Variants in DHRS7B observed in about 807,000 individuals in gnomAD.
DHRS7B encodes peroxisomal reductase activating PPAR-gamma.
DHRS7B carries 24 observed loss-of-function variants against 26.4 expected under a neutral mutation model. The ratio of observed to expected loss-of-function variants is 0.91; its 90% confidence interval spans 0.66 to 1.28. The LOEUF is 1.28. Among genes scored for constraint, DHRS7B ranks in the 50% most tolerant of loss-of-function variants. DHRS7B has a pLI of 0.00. For missense variants in DHRS7B, 368 were observed against 419.4 expected, an observed-to-expected ratio of 0.88 and a Z score of 1.07; for synonymous variants, 142 against 166.4, an observed-to-expected ratio of 0.85 and a Z score of 1.13.
intron 1 of DHRS7B, among the ~76,000 whole-genome samples, chr17:21,135,728 GA>G (rs1427901311): frequency 6.6e-6 from 1 of 152,146 alleles, no homozygotes; most frequent in Non-Finnish European, 1.5e-5. Flanking sequence ...AATGCTTCAA[GA>G]AAACCTAACT....
At chr17:21,173,222 CAT>C (rs886137748) in intron 2 of DHRS7B, among the ~76,000 whole-genome samples, 21 of 152,380 alleles carry the variant, frequency 1.4e-4, no homozygotes, top group Admixed American at 1.2e-3. Flanking sequence ...ATTGCAGTAA[CAT>C]ATGCTCTCAA....
At chr17:21,128,153 C>G (rs1973141249) in intron 1 of DHRS7B, 4 of 152,224 alleles carry the variant, frequency 2.6e-5, no homozygotes, top group Admixed American at 2.6e-4. Context: ...AGGTAGCACA[C>G]GCCTGTAGTC....
intron 5 of DHRS7B, among the ~76,000 whole-genome samples, chr17:21,186,673 T>C (rs1974641814): frequency 6.6e-6 from 1 of 152,240 alleles, no homozygotes; most frequent in Admixed American, 6.5e-5. Flanking sequence ...TTTACAATTC[T>C]GAATTGGAGG....
chr17:21,177,764 C>A (rs910916240), intron 2 of DHRS7B, among the ~76,000 whole-genome samples: 16 of 152,216 alleles, frequency 1.1e-4, no homozygotes, highest in African/African-American at 3.9e-4. Flanking sequence ...GCCTCGGTCC[C>A]CTGCCCCAGC....
At chr17:21,151,312 T>C (rs779454338) in intron 1 of DHRS7B, among the ~76,000 whole-genome samples, 1 of 152,004 alleles carries the variant, frequency 6.6e-6, no homozygotes, top group Non-Finnish European at 1.5e-5. Context: ...AAGACCAGCC[T>C]GGCCAAGATG....
intron 1 of DHRS7B, among the ~76,000 whole-genome samples, chr17:21,159,534 C>T (rs1365270708): frequency 2.6e-5 from 4 of 151,674 alleles, no homozygotes; most frequent in African/African-American, 4.8e-5. Flanking sequence ...GGATTACAGG[C>T]GTGAGCCACC....
At chr17:21,157,989 G>T (rs1438000403) in intron 1 of DHRS7B, among the ~76,000 whole-genome samples, 1 of 151,616 alleles carries the variant, frequency 6.6e-6, no homozygotes, top group East Asian at 1.9e-4. Flanking sequence ...AAACTAAAGA[G>T]GAAAAAAAGT....
chr17:21,140,448 T>G (rs2143914327), intron 1 of DHRS7B, among the ~76,000 whole-genome samples: 1 of 143,472 alleles, frequency 7.0e-6, no homozygotes, highest in African/African-American at 2.6e-5. Flanking sequence ...AGAAAAAGTT[T>G]GGGTTATAGA....
intron 3 of DHRS7B, among the ~76,000 whole-genome samples, chr17:21,183,197 AATC>A (rs1342369820): frequency 6.6e-6 from 1 of 152,046 alleles, no homozygotes; most frequent in Non-Finnish European, 1.5e-5. Context: ...ATTCTTTTAT[AATC>A]ATTTTTATAA....
Position 21,183,811 on chromosome 17 carries a change from G to T in DHRS7B, c.526+1G>T, listed in dbSNP as rs748338958. On this transcript the variant is annotated splice_donor_variant, in intron 4 of 6. Coordinates refer to ENST00000395511, the MANE Select transcript of DHRS7B (RefSeq NM_015510.5). LOFTEE classifies it high-confidence loss of function. The stretch of plus-strand genomic sequence containing the variant: ...TTTGGCCCAGTTGCTCTAACGAAAG[G>T]TAACAGTCTTGAGAAAAGAGCAGTG... 6.2e-6 allele frequency: 10 copies of T among 1,613,340 alleles called. No individual in the cohort carries two copies. Among genetic ancestry groups the T allele is most frequent in the Non-Finnish European group, 8.5e-6 (10 of 1,179,366 alleles).
At chr17:21,164,536 A>G (rs1194424095) in intron 1 of DHRS7B, among the ~76,000 whole-genome samples, 1 of 152,216 alleles carries the variant, frequency 6.6e-6, no homozygotes, top group Non-Finnish European at 1.5e-5. Flanking sequence ...ACAAACCAGC[A>G]GTGGCCTCGG....
intron 2 of DHRS7B, among the ~76,000 whole-genome samples, chr17:21,175,452 G>C (rs1470261854): frequency 6.6e-6 from 1 of 152,206 alleles, no homozygotes; most frequent in African/African-American, 2.4e-5. Flanking sequence ...GCCTGCAAAG[G>C]CCATTCCCTT....
intron 1 of DHRS7B, among the ~76,000 whole-genome samples, chr17:21,129,516 G>A (rs1004151769): frequency 5.3e-5 from 8 of 151,760 alleles, no homozygotes; most frequent in Non-Finnish European, 1.0e-4. Context: ...GACTAGCCTG[G>A]GCAACATAGG....
At chr17:21,186,302 C>T (rs902837734) in intron 5 of DHRS7B, among the ~76,000 whole-genome samples, 7 of 152,340 alleles carry the variant, frequency 4.6e-5, no homozygotes, top group African/African-American at 7.2e-5. Context: ...ATGTGGCCAG[C>T]GGCGAGGTCA....
intron 1 of DHRS7B, among the ~76,000 whole-genome samples, chr17:21,158,693 A>G (rs1487598481): frequency 6.6e-6 from 1 of 152,218 alleles, no homozygotes; most frequent in Admixed American, 6.5e-5. Context: ...TGACAAACTG[A>G]TTATAAAGTT....
At chr17:21,129,194 G>A (rs1973172869) in intron 1 of DHRS7B, among the ~76,000 whole-genome samples, 1 of 152,206 alleles carries the variant, frequency 6.6e-6, no homozygotes, top group Non-Finnish European at 1.5e-5. Flanking sequence ...GATGCATGCT[G>A]TGGAGGACAG....
chr17:21,177,711 C>T (rs1974415314), intron 2 of DHRS7B, among the ~76,000 whole-genome samples: 1 of 152,234 alleles, frequency 6.6e-6, no homozygotes, highest in African/African-American at 2.4e-5. Context: ...GCTCCCTCTG[C>T]CTCAAGCACT....
intron 1 of DHRS7B, among the ~76,000 whole-genome samples, chr17:21,153,501 C>T (rs1440098407): frequency 1.3e-5 from 2 of 152,030 alleles, no homozygotes; most frequent in African/African-American, 4.8e-5. Context: ...GAGAATTTCC[C>T]CCAGAATTAA....
chr17:21,171,470 G>T (rs910736701), intron 1 of DHRS7B, among the ~76,000 whole-genome samples: 7 of 152,196 alleles, frequency 4.6e-5, no homozygotes, highest in African/African-American at 1.7e-4. Flanking sequence ...TGTGAGGCCT[G>T]TGGTCAGAAG....
Sources: gnomAD v4.1 joint callset for allele counts (sites outside exome capture counted in the v4.1 genomes callset) on GRCh38, gnomAD v4.1.1 for gene constraint, MANE v1.5 for transcripts, NCBI Gene and HGNC (gene_info 2026-07-23, HGNC 2026-07-21) for gene names.